The following TMEM39A variants were observed in gnomAD, a reference collection of about 807,000 sequenced individuals.
TMEM39A encodes suppressor of SQST-1 aggregates in rpl-43 mutants.
Under a neutral mutation model 51.9 loss-of-function variants are expected in TMEM39A, and 19 were observed. The ratio of observed to expected loss-of-function variants is 0.37; its 90% CI spans 0.26 to 0.54. TMEM39A has a LOEUF of 0.54. TMEM39A is among the 20% of genes least tolerant of loss of function. The pLI is 0.88. For missense variants in TMEM39A, 433 were observed against 590.5 expected (o/e 0.73, Z 2.76); for synonymous variants, 197 against 220.2 (o/e 0.89, Z 0.93).
chr3:119,448,717 A>C (rs989590271), intron 4 of TMEM39A, among the ~76,000 whole-genome samples: 1 of 152,204 alleles, frequency 6.6e-6, no homozygotes, highest in Non-Finnish European at 1.5e-5. Flanking sequence ...AAAGCTTAGT[A>C]AAGTTATTTA....
At chr3:119,449,805 G>C (rs1188882842) in intron 4 of TMEM39A, among the ~76,000 whole-genome samples, 1 of 152,054 alleles carries the variant, frequency 6.6e-6, no homozygotes, top group African/African-American at 2.4e-5. Flanking sequence ...TTTATTTCTA[G>C]TCTTGTGAAG....
At chr3:119,445,550 C>T (rs1309096752) in intron 5 of TMEM39A, among the ~76,000 whole-genome samples, 1 of 152,204 alleles carries the variant, frequency 6.6e-6, no homozygotes. Flanking sequence ...CAGGCTTGAG[C>T]CACCGCGCCC....
At chr3:119,452,302 A>AT (rs2081211497) in intron 4 of TMEM39A, 145 bp downstream of exon 4, 8 of 512,488 alleles carry the variant, frequency 1.6e-5, no homozygotes, top group Non-Finnish European at 2.4e-5. Context: ...GCAGGGAAAC[A>AT]TTTTTTAAAG....
At chr3:119,432,825 T>G (rs997028833) in intron 8 of TMEM39A, among the ~76,000 whole-genome samples, 2 of 152,138 alleles carry the variant, frequency 1.3e-5, no homozygotes, top group African/African-American at 4.8e-5. Context: ...TATACCTGTG[T>G]GTTTAATTAC....
intron 4 of TMEM39A, 40 bp from the exon 5 acceptor site, chr3:119,447,212 G>C (rs1261195507): frequency 6.3e-7 from 1 of 1,591,680 alleles, no homozygotes; most frequent in East Asian, 2.3e-5. Context: ...TTTTGTAAAT[G>C]ATCTTCTTCA....
chr3:119,445,319 C>T (rs568503632), intron 5 of TMEM39A, among the ~76,000 whole-genome samples: 3 of 152,100 alleles, frequency 2.0e-5, no homozygotes, highest in Admixed American at 6.5e-5. Flanking sequence ...AGTGCCATGG[C>T]GCGATCCTGG....
At chr3:119,439,579 CAAAAAAAAA>C (rs201923985) in intron 5 of TMEM39A, among the ~76,000 whole-genome samples, 1 of 100,276 alleles carries the variant, frequency 1.0e-5, no homozygotes, top group East Asian at 3.0e-4. Context: ...AACTCCTTCT[CAAAAAAAAA>C]AAAAAAAAAG....
rs1486226660 is a variant in TMEM39A, at chr3:119,438,543, TAGTG to T, written c.576-444_576-441del. ...GTGTATATTGAGTATTTTCCCTGTG[TAGTG>T]AGTATTTTCTCAAGTCTAAATATTT... is the stretch of plus-strand genomic sequence containing the variant. On this transcript the variant is annotated intron_variant, in intron 5 of 8. Transcript: ENST00000319172. Among the ~76,000 whole-genome samples, 8 of 152,352 alleles carry T rather than the reference TAGTG, an allele frequency of 5.3e-5. No homozygotes were observed. In the East Asian group the frequency reaches 5.8e-4, roughly 11 times the overall value.
At chr3:119,458,680 A>T (rs1488222089) in intron 2 of TMEM39A, among the ~76,000 whole-genome samples, 2 of 152,118 alleles carry the variant, frequency 1.3e-5, no homozygotes, top group Non-Finnish European at 2.9e-5. Context: ...GGAACACCTG[A>T]GGTCAGGAGT....
At chr3:119,453,176 A>G (rs2081221698) in intron 3 of TMEM39A, among the ~76,000 whole-genome samples, 1 of 152,226 alleles carries the variant, frequency 6.6e-6, no homozygotes, top group South Asian at 2.1e-4. Context: ...GGAACCACCA[A>G]AATCAGGATG....
intron 7 of TMEM39A, chr3:119,435,349 T>C (rs910884057): frequency 4.3e-5 from 42 of 985,220 alleles, no homozygotes; most frequent in South Asian, 9.4e-5. Flanking sequence ...CAAAAAACTA[T>C]AGGAAATCAG....
At chr3:119,447,495 A>C (rs1401843498) in intron 4 of TMEM39A, among the ~76,000 whole-genome samples, 2 of 152,184 alleles carry the variant, frequency 1.3e-5, no homozygotes, top group Non-Finnish European at 2.9e-5. Context: ...CATCAGAATG[A>C]CCTGGGCTAC....
chr3:119,442,475 G>T (rs1194900680), intron 5 of TMEM39A, among the ~76,000 whole-genome samples: 3 of 152,250 alleles, frequency 2.0e-5, no homozygotes, highest in East Asian at 3.9e-4. Flanking sequence ...AAGTAATTCT[G>T]ATTTTCAAAT....
intron 4 of TMEM39A, among the ~76,000 whole-genome samples, chr3:119,450,455 C>A (rs1016014874): frequency 2.6e-5 from 4 of 152,096 alleles, no homozygotes; most frequent in African/African-American, 9.7e-5. Flanking sequence ...TACTGATGAA[C>A]ATTAAGTTAT....
rs766870038 is a variant in TMEM39A, at chr3:119,436,821, T to C, written c.1082A>G (p.His361Arg). 1.2e-6 allele frequency: 2 copies of C among 1,613,790 alleles called. No individual in the cohort carries two copies. Among genetic ancestry groups the C allele is most frequent in the Non-Finnish European group, 1.7e-6 (2 of 1,179,868 alleles). ...CTGTGGAGCATTGCTGTAGGACCCA[T>C]GTTCCAACTTCTGCCACTTGCCCAG... ...AHLGKWQKLEHGSYSNAPQHI... is the reference protein window; with the variant it reads ...AHLGKWQKLERGSYSNAPQHI... Residue 361 changes from histidine (H) to arginine (R), a missense_variant, in exon 7 of 9, where the codon CAT becomes CGT. His to Arg is a conservative substitution (Grantham distance 29, BLOSUM62 0). Coordinates refer to ENST00000319172, the MANE Select transcript of TMEM39A (RefSeq NM_018266.3).
intron 7 of TMEM39A, chr3:119,435,564 A>C: frequency 3.0e-6 from 3 of 984,050 alleles, no homozygotes; most frequent in Non-Finnish European, 3.6e-6. Context: ...AGGGATCTTC[A>C]GGTTAAGCTT....
In TMEM39A at chr3:119,437,966, T is replaced by C. The variant is rs1652087862; in HGVS notation, c.713A>G (p.Lys238Arg). The C allele has an allele frequency of 1.2e-6, 2 of 1,614,038 alleles. No individual in the cohort carries two copies. Among genetic ancestry groups the C allele is most frequent in the East Asian group, 2.2e-5 (1 of 44,900 alleles). The change falls in exon 6 of 9, where the codon AAA (lysine) becomes AGA (arginine). Residue 238 changes from lysine to arginine, a missense_variant. Lys to Arg is a conservative substitution (Grantham distance 26, BLOSUM62 2). Coordinates refer to ENST00000319172, the MANE Select transcript of TMEM39A (RefSeq NM_018266.3). ...CTCCAGCAACAAGGAGAGAAAGTCT[T>C]TGGATTTGGCCAAGCCTCCCACAGT... ...ASTVGGLAKS[K>R]DFLSLLLESL...
At position 119,429,195 on chromosome 3, in the gene TMEM39A, T is replaced by TA. The variant is rs959240629; in HGVS notation, c.*2785dup. ...AGATGCCTGGCTAGCTTAATAGAAA[T>TA]AAAAAAATTAATTAAAAAAAAGAGA... On this transcript the variant is annotated 3_prime_UTR_variant, in exon 9 of 9. Coordinates refer to ENST00000319172, the MANE Select transcript of TMEM39A (RefSeq NM_018266.3). Among the ~76,000 whole-genome samples the TA allele has an allele frequency of 4.7e-5, 7 of 150,352 alleles. No individual in the cohort carries two copies. The highest frequency in any genetic ancestry group is 1.0e-4 in the Non-Finnish European group (7 of 67,448).
intron 4 of TMEM39A, chr3:119,451,399 G>A: frequency 1.2e-6 from 1 of 821,416 alleles, no homozygotes; most frequent in Non-Finnish European, 1.7e-6. Context: ...ATTTCACACT[G>A]AATTATAAGT....
Sources: allele counts gnomAD v4.1 joint callset (sites outside exome capture counted in the v4.1 genomes callset), GRCh38; gene constraint gnomAD v4.1.1; transcripts MANE v1.5; gene names NCBI Gene and HGNC (gene_info 2026-07-23, HGNC 2026-07-21).